C10orf143: variants seen among roughly 807,000 people sequenced by gnomAD.
The protein encoded by C10orf143 is uncharacterized protein C10orf143.
At chr10:130,093,180 T>C (rs1861409036) in intron 1 of C10orf143, among the ~76,000 whole-genome samples, 1 of 152,172 alleles carries the variant, frequency 6.6e-6, no homozygotes, top group Non-Finnish European at 1.5e-5. Flanking sequence ...AAAACATTCC[T>C]CAGCAAACGC....
At chr10:130,097,286 C>T (rs1250202148) in intron 1 of C10orf143, among the ~76,000 whole-genome samples, 1 of 152,110 alleles carries the variant, frequency 6.6e-6, no homozygotes, top group East Asian at 1.9e-4. Context: ...GGCATGGGCG[C>T]TCATGCCTGT....
chr10:130,095,097 GC>G (rs1193427385), intron 1 of C10orf143, among the ~76,000 whole-genome samples: 2 of 151,958 alleles, frequency 1.3e-5, no homozygotes, highest in African/African-American at 4.8e-5. Context: ...CAAACAGAGG[GC>G]CAAATCATGA....
chr10:130,081,652 A>G (rs1161011115), intron 1 of C10orf143, among the ~76,000 whole-genome samples: 1 of 151,666 alleles, frequency 6.6e-6, no homozygotes, highest in Non-Finnish European at 1.5e-5. Flanking sequence ...TATTAACAAA[A>G]ACAAAAAAAC....
At chr10:130,108,948 T>C (rs111666413) in intron 1 of C10orf143, among the ~76,000 whole-genome samples, 4 of 152,202 alleles carry the variant, frequency 2.6e-5, no homozygotes, top group African/African-American at 7.2e-5. Context: ...GAGCTCTTCA[T>C]TGCCTCCACA....
intron 3 of C10orf143, among the ~76,000 whole-genome samples, 183 bp from the exon 4 acceptor site, chr10:130,064,566 T>C (rs1860898421): frequency 6.6e-6 from 1 of 152,142 alleles, no homozygotes; most frequent in African/African-American, 2.4e-5. Flanking sequence ...ATAATTAAGA[T>C]ATTTAAAGCA....
intron 3 of C10orf143, among the ~76,000 whole-genome samples, chr10:130,041,270 T>C (rs1860603842): frequency 6.6e-6 from 1 of 152,158 alleles, no homozygotes; most frequent in Non-Finnish European, 1.5e-5. Flanking sequence ...TGTGGACAGG[T>C]ATCACCAGCT....
intron 1 of C10orf143, chr10:130,108,539 A>T (rs914181765): frequency 9.6e-6 from 6 of 628,116 alleles, no homozygotes; most frequent in Middle Eastern, 5.1e-4. Context: ...ACTTTTGCTC[A>T]AATTGAAACT....
rs751156247 is a variant in C10orf143, at chr10:130,065,002, C to T, written c.298-619G>A. Reference sequence around the variant, plus strand: ...GGCCACATATCCTGGCACATAGCAGCGTGGCACTCTGGCCCACAGGCAGAG... The same window carrying T: ...GGCCACATATCCTGGCACATAGCAGTGTGGCACTCTGGCCCACAGGCAGAG... On this transcript the variant is annotated intron_variant, in intron 3 of 3. Transcript: ENST00000637128. The surrounding 1 kb of genome is among the most constrained non-coding windows in gnomAD (Gnocchi z 4.2). 5 of 152,354 alleles carry T rather than the reference C, an allele frequency of 3.3e-5. No homozygotes were observed. The highest frequency in any genetic ancestry group is 7.2e-5 in the African/African-American group (3 of 41,476). 9.4% of individuals were successfully genotyped at this position (152,354 alleles called of 1,614,324 possible).
chr10:130,095,563 A>G (rs1359928548), intron 1 of C10orf143, among the ~76,000 whole-genome samples: 2 of 152,238 alleles, frequency 1.3e-5, no homozygotes, highest in African/African-American at 4.8e-5. Context: ...TACAGTAAAC[A>G]AAACAGCATG....
intron 1 of C10orf143, among the ~76,000 whole-genome samples, chr10:130,096,850 T>A (rs1458944285): frequency 4.9e-5 from 7 of 142,376 alleles, no homozygotes; most frequent in African/African-American, 1.0e-4. Context: ...TAAAATATAT[T>A]AAAAAAAAAA....
chr10:130,056,249 GGTCT>G lies in C10orf143; in HGVS notation c.298-20283_298-20280del, dbSNP rs1236986474. 6.6e-6 allele frequency among the ~76,000 whole-genome samples: 1 copy of G among 152,168 alleles called. No individual in the cohort carries two copies. Among genetic ancestry groups the G allele is most frequent in the African/African-American group, 2.4e-5 (1 of 41,426 alleles). The stretch of plus-strand genomic sequence containing the variant: ...TTACCGACCCTAGCAAGCCACTGGT[GGTCT>G]TTGGGATCCTGCCCAGAGGGAAGCG... On this transcript the variant is annotated intron_variant and NMD_transcript_variant, in intron 3 of 5. Coordinates refer to the C10orf143 transcript ENST00000643056. The surrounding 1 kb of genome is among the most constrained non-coding windows in gnomAD (Gnocchi z 4.6).
chr10:130,078,726 C>T (rs1861159172), intron 3 of C10orf143, among the ~76,000 whole-genome samples: 1 of 152,120 alleles, frequency 6.6e-6, no homozygotes, highest in Non-Finnish European at 1.5e-5. Context: ...TGCTTATCAT[C>T]GTAAAACACA....
At chr10:130,108,983 G>C (rs1483548031) in intron 1 of C10orf143, among the ~76,000 whole-genome samples, 4 of 152,184 alleles carry the variant, frequency 2.6e-5, no homozygotes, top group African/African-American at 9.7e-5. Flanking sequence ...AGGAGCAGCA[G>C]TACTGCCCTC....
At chr10:130,097,428 C>T (rs1037233569) in intron 1 of C10orf143, among the ~76,000 whole-genome samples, 6 of 152,010 alleles carry the variant, frequency 3.9e-5, no homozygotes, top group African/African-American at 1.4e-4. Flanking sequence ...GATACTGCTC[C>T]GTATCTACTA....
In C10orf143 at chr10:130,106,547, G is replaced by A. The variant is rs185618372; in HGVS notation, c.69+4157C>T. ...TTCGCAACAAAATGAATTGATGGCGGATATTTCAAAAACGATACAGCCTCT... is the reference window on the plus strand; with the variant it reads ...TTCGCAACAAAATGAATTGATGGCGAATATTTCAAAAACGATACAGCCTCT... On this transcript the variant is annotated intron_variant, in intron 1 of 3. Coordinates refer to ENST00000637128, the MANE Select transcript of C10orf143 (RefSeq NM_001355042.2). The A allele has an allele frequency of 3.1e-5, 49 of 1,592,676 alleles. No homozygotes were observed. The East Asian group carries it at 1.0e-3, about 33-fold the overall frequency.
At chr10:130,106,363 T>C (rs1359076649) in intron 1 of C10orf143, 22 of 1,601,802 alleles carry the variant, frequency 1.4e-5, no homozygotes, top group Non-Finnish European at 1.8e-5. Context: ...ATGAAGACTA[T>C]GAAGTAGCGT....
intron 1 of C10orf143, among the ~76,000 whole-genome samples, chr10:130,093,965 G>C (rs914540328): frequency 6.7e-5 from 10 of 149,938 alleles, no homozygotes; most frequent in African/African-American, 2.5e-4. Context: ...AGCCAAGATC[G>C]TGCCACTGTA....
intron 1 of C10orf143, among the ~76,000 whole-genome samples, chr10:130,090,681 C>A (rs1435157335): frequency 6.6e-6 from 1 of 152,064 alleles, no homozygotes; most frequent in Admixed American, 6.5e-5. Context: ...TTCTCACTGC[C>A]AGCACAGCAG....
chr10:130,062,204 T>C (rs1476176443), downstream of C10orf143, among the ~76,000 whole-genome samples: 1 of 152,138 alleles, frequency 6.6e-6, no homozygotes, highest in African/African-American at 2.4e-5. Context: ...GCTCCTCCAT[T>C]CCCTTCACAG....
Sources: allele counts gnomAD v4.1 joint callset (sites outside exome capture counted in the v4.1 genomes callset), GRCh38; gene constraint gnomAD v4.1.1; non-coding constraint Gnocchi (gnomAD v3.1); transcripts MANE v1.5; gene names NCBI Gene and HGNC (gene_info 2026-07-23, HGNC 2026-07-21).